The following BCL6 variants were observed in gnomAD, a reference collection of about 807,000 sequenced individuals.
The protein encoded by BCL6 is B-cell lymphoma 6 protein.
BCL6 carries 7 observed loss-of-function variants against 59.5 expected under a neutral mutation model. The ratio of observed to expected loss-of-function variants is 0.12; its 90% CI spans 0.07 to 0.22. The LOEUF (loss-of-function observed/expected upper bound fraction) is 0.22. Among genes scored for constraint, BCL6 ranks in the 10% least tolerant of loss-of-function variants. The pLI, the probability that BCL6 is intolerant of heterozygous loss-of-function variation, is 1.00. For missense variants in BCL6, 685 were observed against 939.4 expected (o/e 0.73, Z 3.54); for synonymous variants, 339 against 349.7 (o/e 0.97, Z 0.34).
At position 187,725,445 on chromosome 3, in the gene BCL6, C is replaced by T. The variant is rs1483943836; in HGVS notation, c.1839+54G>A. 125 of 1,549,906 alleles carry T rather than the reference C, an allele frequency of 8.1e-5. No individual in the cohort carries two copies. The highest frequency in any genetic ancestry group is 3.6e-4 in the East Asian group (16 of 44,164). On this transcript the variant is annotated intron_variant, in intron 8 of 9. Transcript: ENST00000406870. This position sits in a 1 kb window ranked among gnomAD's most constrained non-coding sequence, Gnocchi z 4.7. ...CCGCTTGCCTGCCCACTCCTCCGCT[C>T]GCCTGCCCGCTCCGCTCGCCTGCCC...
chr3:187,733,296 T>C (rs983447008), intron 3 of BCL6, among the ~76,000 whole-genome samples: 7 of 152,132 alleles, frequency 4.6e-5, no homozygotes, highest in Non-Finnish European at 1.0e-4. Context: ...GGGCAGTATA[T>C]AATTTTTCTC....
At position 187,722,386 on chromosome 3, in the gene BCL6, G is replaced by A; in HGVS notation, c.*72C>T. 8.2e-7 allele frequency: 1 copy of A among 1,215,256 alleles called. No individual in the cohort carries two copies. Among genetic ancestry groups the A allele is most frequent in the East Asian group, 6.6e-5 (1 of 15,070 alleles). The allele number at this position is 1,215,256 out of a possible 1,614,324, so 75.3% of individuals were successfully genotyped here. A position where few individuals can be genotyped will look rare whatever the true frequency, so the allele number is the denominator to read the frequency against. On this transcript the variant is annotated 3_prime_UTR_variant, in exon 10 of 10. Transcript: ENST00000406870. ...GGCACTACATCATGGGATGAACATT[G>A]TAAAGTGTTACAGTATCCTTTGGGT...
chr3:187,728,186 T>C (rs1296851884), intron 6 of BCL6, among the ~76,000 whole-genome samples, 174 bp downstream of exon 6: 1 of 152,202 alleles, frequency 6.6e-6, no homozygotes. Context: ...GTTAACCCAG[T>C]TCCCCAAGAA....
chr3:187,739,159 G>T (rs373985649), intron 1 of BCL6, among the ~76,000 whole-genome samples: 5 of 152,136 alleles, frequency 3.3e-5, no homozygotes, highest in Non-Finnish European at 7.3e-5. Flanking sequence ...TTGGATTATT[G>T]GTAATCTAAT....
At position 187,724,797 on chromosome 3, in the gene BCL6, C is replaced by T. The variant is rs146076072; in HGVS notation, c.1977+144G>A. ...CAGATCTAGGTCTTCCAACCATTAGCGTAGTGGTTGCCCCACTGTGTGCTT... is the reference window on the plus strand; with the variant it reads ...CAGATCTAGGTCTTCCAACCATTAGTGTAGTGGTTGCCCCACTGTGTGCTT... On this transcript the variant is annotated intron_variant, in intron 9 of 9. Coordinates refer to ENST00000406870, the MANE Select transcript of BCL6 (RefSeq NM_001706.5). 180 of 1,180,028 alleles carry T rather than the reference C, an allele frequency of 1.5e-4. No individual in the cohort carries two copies. The African/African-American group carries it at 2.1e-3, about 14-fold the overall frequency. 73.1% of individuals were successfully genotyped at this position (1,180,028 alleles called of 1,614,324 possible).
At chr3:187,735,400 C>T (rs1300440791) in intron 1 of BCL6, among the ~76,000 whole-genome samples, 6 of 152,158 alleles carry the variant, frequency 3.9e-5, no homozygotes, top group African/African-American at 1.2e-4. Flanking sequence ...ATTTCACTGG[C>T]GATGAAACTG....
At chr3:187,741,412 T>A (rs2108479844) in intron 1 of BCL6, among the ~76,000 whole-genome samples, 1 of 152,164 alleles carries the variant, frequency 6.6e-6, no homozygotes, top group African/African-American at 2.4e-5. Context: ...AAGTCGGGAA[T>A]AAACTCCTGA....
intron 1 of BCL6, among the ~76,000 whole-genome samples, chr3:187,744,439 G>C (rs560164916): frequency 6.6e-6 from 1 of 151,736 alleles, no homozygotes; most frequent in African/African-American, 2.4e-5. Context: ...AATTTTCAAA[G>C]TGTTCAACAT....
intron 5 of BCL6, 66 bp from the exon 6 acceptor site, chr3:187,728,610 T>A: frequency 6.7e-7 from 1 of 1,493,334 alleles, no homozygotes; most frequent in Non-Finnish European, 9.0e-7. Flanking sequence ...CTCTCCTCCC[T>A]GTGTGTAGGC....
chr3:187,729,975 G>A lies in BCL6; in HGVS notation c.430C>T (p.Leu144Phe), dbSNP rs1398495055. Residue 144 changes from leucine (L) to phenylalanine (F), a missense_variant, in exon 5 of 10, where the codon CTC becomes TTC. Coordinates refer to ENST00000406870, the MANE Select transcript of BCL6 (RefSeq NM_001706.5). The surrounding 1 kb of genome is among the most constrained non-coding windows in gnomAD (Gnocchi z 5.6). The stretch of plus-strand genomic sequence containing the variant: ...TGGGGCATCAGCATCCGGCTGTTGA[G>A]GAACTCTTCACGAGGAGGCTTGATG... ...SAIKPPREEFLNSRMLMPQDI... is the reference protein window; with the variant it reads ...SAIKPPREEFFNSRMLMPQDI... The A allele has an allele frequency of 6.2e-7, 1 of 1,601,864 alleles. No homozygotes were observed. The highest frequency in any genetic ancestry group is 1.7e-5 in the Admixed American group (1 of 58,574).
At chr3:187,745,234 A>G (rs562159033) in intron 1 of BCL6, among the ~76,000 whole-genome samples, 176 bp downstream of exon 1, 2 of 152,314 alleles carry the variant, frequency 1.3e-5, no homozygotes, top group Admixed American at 6.5e-5. Context: ...ATATACATTT[A>G]TATCAATAGA....
chr3:187,737,528 C>T (rs1036774965), intron 1 of BCL6: 4 of 152,672 alleles, frequency 2.6e-5, no homozygotes, highest in African/African-American at 9.7e-5. Flanking sequence ...CATAAGAGCA[C>T]AAACACCAGC....
chr3:187,743,874 T>C (rs1711728878), intron 1 of BCL6, among the ~76,000 whole-genome samples: 1 of 152,150 alleles, frequency 6.6e-6, no homozygotes, highest in African/African-American at 2.4e-5. Context: ...CCAACCAACC[T>C]CGCAATCTAT....
chr3:187,742,722 G>T (rs1315842835), intron 1 of BCL6, among the ~76,000 whole-genome samples: 1 of 152,154 alleles, frequency 6.6e-6, no homozygotes, highest in African/African-American at 2.4e-5. Flanking sequence ...AGACTCAACT[G>T]CAGTCATTAG....
Position 187,725,471 on chromosome 3 carries a change from G to C in BCL6, c.1839+28C>G, listed in dbSNP as rs1308092010. ...GCCTGCCCGCTCCGCTCGCCTGCCC[G>C]CTCCGCTCGCCTGCCCACTCTGCTC... On this transcript the variant is annotated intron_variant, in intron 8 of 9. Transcript: ENST00000406870. This position sits in a 1 kb window ranked among gnomAD's most constrained non-coding sequence, Gnocchi z 4.7. 1.6e-6 allele frequency: 2 copies of C among 1,234,406 alleles called. No individual in the cohort carries two copies. The highest frequency in any genetic ancestry group is 2.2e-6 in the Non-Finnish European group (2 of 904,488). The allele number at this position is 1,234,406 out of a possible 1,614,324, so 76.5% of individuals were successfully genotyped here. A position where few individuals can be genotyped will look rare whatever the true frequency, so the allele number is the denominator to read the frequency against.
At chr3:187,741,295 C>G (rs1711580771) in intron 1 of BCL6, among the ~76,000 whole-genome samples, 1 of 152,154 alleles carries the variant, frequency 6.6e-6, no homozygotes, top group South Asian at 2.1e-4. Context: ...CTCCGAAAAG[C>G]TTTATGTACT....
At chr3:187,722,626 G>GT (rs1192518877) in intron 9 of BCL6, 25 bp from the exon 10 acceptor site, 1 of 1,606,980 alleles carries the variant, frequency 6.2e-7, no homozygotes, top group African/African-American at 1.3e-5. Context: ...GAGGCAAACT[G>GT]TTAGCTGTCA....
chr3:187,742,316 T>C (rs1200708420), intron 1 of BCL6, among the ~76,000 whole-genome samples: 1 of 152,222 alleles, frequency 6.6e-6, no homozygotes, highest in Non-Finnish European at 1.5e-5. Flanking sequence ...TAGCCGTGGC[T>C]ACCATTTACT....
chr3:187,744,770 G>A (rs551140412), intron 1 of BCL6, among the ~76,000 whole-genome samples: 2 of 152,006 alleles, frequency 1.3e-5, no homozygotes, highest in Admixed American at 1.3e-4. Flanking sequence ...GAAGAGGCGA[G>A]GAAAAAGAGG....
Sources: gnomAD v4.1 joint callset for allele counts (sites outside exome capture counted in the v4.1 genomes callset) on GRCh38, gnomAD v4.1.1 for gene constraint, Gnocchi (gnomAD v3.1) non-coding constraint, MANE v1.5 for transcripts, NCBI Gene and HGNC (gene_info 2026-07-23, HGNC 2026-07-21) for gene names.